Variants in TRMT9B observed in about 807,000 individuals in gnomAD.
TRMT9B encodes probable tRNA methyltransferase 9B.
A neutral mutation model predicts 11.5 loss-of-function variants in TRMT9B; 16 were observed. The ratio of observed to expected loss-of-function variants is 1.39; its 90% confidence interval spans 0.94 to 2.11. The LOEUF (loss-of-function observed/expected upper bound fraction) is 2.11, where lower values mean the gene tolerates loss of function less well. TRMT9B is among the 30% of genes most tolerant of loss of function. The pLI, the probability that TRMT9B is intolerant of heterozygous loss-of-function variation, is 0.00. For missense variants in TRMT9B, 941 were observed against 553.8 expected (o/e 1.70, Z -7.02); for synonymous variants, 274 against 192.4 (o/e 1.42, Z -3.51).
chr8:12,971,097 T>G (rs1803552513), intron 1 of TRMT9B, among the ~76,000 whole-genome samples: 1 of 152,230 alleles, frequency 6.6e-6, no homozygotes, highest in Non-Finnish European at 1.5e-5. Flanking sequence ...TACCGTCACC[T>G]CAAACATGTA....
At chr8:12,970,031 G>C (rs531729059) in intron 1 of TRMT9B, 1 of 152,032 alleles carries the variant, frequency 6.6e-6, no homozygotes, top group East Asian at 1.9e-4. Context: ...CTCAGAAACA[G>C]AAGGCCAACC....
chr8:12,948,481 A>G (rs1297942657), intron 1 of TRMT9B, among the ~76,000 whole-genome samples: 2 of 147,834 alleles, frequency 1.4e-5, no homozygotes, highest in Admixed American at 6.8e-5. Flanking sequence ...AATAATTTAT[A>G]TTATATAAAT....
At chr8:12,984,193 C>T (rs1465139216) in intron 1 of TRMT9B, among the ~76,000 whole-genome samples, 1 of 152,162 alleles carries the variant, frequency 6.6e-6, no homozygotes, top group Admixed American at 6.5e-5. Context: ...TATGAAACAA[C>T]CATGAATTTT....
chr8:13,012,050 C>T (rs1585364717), intron 3 of TRMT9B: 1 of 985,340 alleles, frequency 1.0e-6, no homozygotes, highest in Middle Eastern at 5.2e-4. Context: ...TACACGTGGT[C>T]TCTCGGATAC....
intron 1 of TRMT9B, among the ~76,000 whole-genome samples, chr8:12,980,024 G>C (rs1295855154): frequency 2.6e-5 from 4 of 152,164 alleles, no homozygotes; most frequent in Admixed American, 6.5e-5. Context: ...TCCAGGATGA[G>C]AGTTCATGGT....
chr8:13,006,308 C>A lies in TRMT9B; in HGVS notation c.106C>A (p.Arg36Ser), dbSNP rs773953427. ...DLQSKAWPRV[R>S]QFLQEQKPGS... The stretch of plus-strand genomic sequence containing the variant: ...GCAGAGCAAAGCCTGGCCTCGTGTC[C>A]GCCAGTTCCTGCAAGAGCAGAAGCC... Residue 36 changes from arginine to serine, a missense_variant, in exon 3 of 5, where the codon CGC becomes AGC. Coordinates refer to ENST00000524591, the MANE Select transcript of TRMT9B (RefSeq NM_020844.3). The A allele has an allele frequency of 6.2e-7, 1 of 1,613,624 alleles. No homozygotes were observed. Among genetic ancestry groups the A allele is most frequent in the South Asian group, 1.1e-5 (1 of 91,044 alleles).
intron 2 of TRMT9B, among the ~76,000 whole-genome samples, chr8:13,001,178 A>T (rs1809368691): frequency 6.6e-6 from 1 of 152,178 alleles, no homozygotes. Context: ...TGGACTCCCT[A>T]ACACAGACTC....
intron 2 of TRMT9B, among the ~76,000 whole-genome samples, chr8:12,998,734 T>C (rs911658322): frequency 3.9e-5 from 6 of 152,188 alleles, no homozygotes; most frequent in African/African-American, 1.4e-4. Context: ...GTACAGAGTG[T>C]CATCTCCTTG....
At chr8:12,979,085 T>A (rs1224282667) in intron 1 of TRMT9B, among the ~76,000 whole-genome samples, 1 of 152,046 alleles carries the variant, frequency 6.6e-6, no homozygotes, top group Non-Finnish European at 1.5e-5. Context: ...CGTGGTGGTG[T>A]GGAATGGGCT....
intron 1 of TRMT9B, among the ~76,000 whole-genome samples, chr8:12,989,618 G>C (rs7013393): frequency 6.6e-6 from 1 of 152,162 alleles, no homozygotes; most frequent in Admixed American, 6.5e-5. Context: ...AGGCACAAAT[G>C]CCTGAAGGAA....
intron 4 of TRMT9B, among the ~76,000 whole-genome samples, chr8:13,015,840 C>A (rs927836668): frequency 6.6e-6 from 1 of 152,144 alleles, no homozygotes; most frequent in Admixed American, 6.6e-5. Flanking sequence ...ACCTAGTTAC[C>A]ATCTTCGAAT....
In TRMT9B at chr8:13,025,038, G is replaced by A. The variant is rs1008941252; in HGVS notation, c.*2994G>A. ...AGACAGTTGATTTGTGAATGCTGTC[G>A]GCCTCAACTTGCTTGATGATAGATT... On this transcript the variant is annotated 3_prime_UTR_variant, in exon 5 of 5. Transcript: ENST00000524591. The A allele has an allele frequency of 2.4e-5, 4 of 167,012 alleles. No homozygotes were observed. The highest frequency in any genetic ancestry group is 7.2e-5 in the African/African-American group (3 of 41,482). 10.3% of individuals were successfully genotyped at this position (167,012 alleles called of 1,614,324 possible). A position where few individuals can be genotyped will look rare whatever the true frequency, so the allele number is the denominator to read the frequency against.
chr8:12,956,435 A>T (rs184606140), intron 1 of TRMT9B, among the ~76,000 whole-genome samples: 2 of 152,350 alleles, frequency 1.3e-5, no homozygotes, highest in Admixed American at 1.3e-4. Flanking sequence ...GCATCAAGCA[A>T]ATGAATAACT....
rs749957836 is a variant in TRMT9B, at chr8:13,021,315, C to A, written c.636C>A (p.Ser212=). Reference sequence around the variant, plus strand: ...AAGAGCAGTGTGGTTCAAAACGGTCCCACAGCGTGGGCTATGAACCTGCTA... The same window carrying A: ...AAGAGCAGTGTGGTTCAAAACGGTCACACAGCGTGGGCTATGAACCTGCTA... ...CFKEQCGSKR[S]HSVGYEPAMA... Residue 212 remains serine, a synonymous_variant, in exon 5 of 5, where the codon TCC becomes TCA. Transcript: ENST00000524591. The A allele has an allele frequency of 6.2e-7, 1 of 1,613,998 alleles. No individual in the cohort carries two copies. The highest frequency in any genetic ancestry group is 8.5e-7 in the Non-Finnish European group (1 of 1,179,896).
Position 12,980,308 on chromosome 8 carries a change from G to A in TRMT9B, c.-199-10526G>A, listed in dbSNP as rs71522316. ...ATTTCTGCCTTCTGTCTTCTCTCCT[G>A]TCTATTATAAGGACACTTGTCATTG... On this transcript the variant is annotated intron_variant, in intron 1 of 4. Transcript: ENST00000524591. 8.0e-3 allele frequency among the ~76,000 whole-genome samples: 1,224 copies of A among 152,260 alleles called. 8 individuals are homozygous for A. The highest frequency in any genetic ancestry group is 0.013 in the Non-Finnish European group (892 of 68,014).
intron 1 of TRMT9B, among the ~76,000 whole-genome samples, chr8:12,950,672 A>G (rs1056961212): frequency 6.6e-6 from 1 of 152,132 alleles, no homozygotes; most frequent in Admixed American, 6.5e-5. Context: ...CCCACCCAAT[A>G]TACTGTGGCA....
In TRMT9B at chr8:13,029,253, G is replaced by A. The variant is rs866390995; in HGVS notation, c.*7209G>A. On this transcript the variant is annotated 3_prime_UTR_variant, in exon 5 of 5. Coordinates refer to ENST00000524591, the MANE Select transcript of TRMT9B (RefSeq NM_020844.3). Reference sequence around the variant, plus strand: ...ATTAGATGTTATAGTGCCTCTTCTCGTGTTGATACGTGTATTTGGGTCAAA... The same window carrying A: ...ATTAGATGTTATAGTGCCTCTTCTCATGTTGATACGTGTATTTGGGTCAAA... 1.8e-5 allele frequency: 3 copies of A among 166,918 alleles called. No homozygotes were observed. The highest frequency in any genetic ancestry group is 2.1e-4 in the South Asian group (1 of 4,826). The allele number at this position is 166,918 out of a possible 1,614,324, so 10.3% of individuals were successfully genotyped here. A position where few individuals can be genotyped will look rare whatever the true frequency, so the allele number is the denominator to read the frequency against.
chr8:12,965,088 T>C (rs1802637113), intron 1 of TRMT9B, among the ~76,000 whole-genome samples: 1 of 152,228 alleles, frequency 6.6e-6, no homozygotes. Flanking sequence ...AACACATTCT[T>C]ATAGAATACA....
chr8:12,980,223 T>G (rs10103890), intron 1 of TRMT9B, among the ~76,000 whole-genome samples: 3,763 of 152,192 alleles, frequency 0.025, 165 homozygotes, highest in African/African-American at 0.086. Flanking sequence ...AAATTCCTCC[T>G]TGCCTCCTCC....
Sources: gnomAD v4.1 joint callset for allele counts (sites outside exome capture counted in the v4.1 genomes callset) on GRCh38, gnomAD v4.1.1 for gene constraint, MANE v1.5 for transcripts, NCBI Gene and HGNC (gene_info 2026-07-23, HGNC 2026-07-21) for gene names.